The following CAMK2D variants were observed in gnomAD, a reference collection of about 807,000 sequenced individuals.
CAMK2D encodes the protein calcium/calmodulin dependent protein kinase II delta.
Under a neutral mutation model 84.0 loss-of-function variants are expected in CAMK2D, and 37 were observed. That is an observed-to-expected ratio of 0.44 (90% CI 0.34 to 0.58). The LOEUF (loss-of-function observed/expected upper bound fraction) is 0.58. Among genes scored for constraint, CAMK2D ranks in the 20% least tolerant of loss-of-function variants. CAMK2D has a pLI of 0.02. For synonymous variants in CAMK2D, 202 were observed against 212.5 expected (o/e 0.95, Z 0.43); for missense variants, 448 against 652.5 (o/e 0.69, Z 3.41).
intron 4 of CAMK2D, among the ~76,000 whole-genome samples, chr4:113,592,635 T>A (rs1277368923): frequency 1.3e-5 from 2 of 151,644 alleles, no homozygotes; most frequent in Admixed American, 6.6e-5. Context: ...AAGTTTCAGA[T>A]TTTTTTTTCT....
At chr4:113,713,888 T>G (rs2107170) in intron 2 of CAMK2D, among the ~76,000 whole-genome samples, 51,293 of 150,956 alleles carry the variant, frequency 0.34, 10,230 homozygotes, top group Admixed American at 0.49. Flanking sequence ...ACTTTTTTTT[T>G]GGGGGGGTGC....
intron 16 of CAMK2D, among the ~76,000 whole-genome samples, chr4:113,495,694 C>G (rs549998564): frequency 1.9e-4 from 29 of 152,216 alleles, no homozygotes; most frequent in Non-Finnish European, 3.7e-4. Context: ...CTCATTACTA[C>G]TACCTAGTAA....
At chr4:113,562,611 T>C (rs1330097123) in intron 4 of CAMK2D, among the ~76,000 whole-genome samples, 1 of 152,238 alleles carries the variant, frequency 6.6e-6, no homozygotes, top group African/African-American at 2.4e-5. Context: ...AGATTTATAC[T>C]TAACTGCAGC....
intron 20 of CAMK2D, 127 bp from the exon 21 acceptor site, chr4:113,454,642 A>G (rs2097283726): frequency 4.7e-6 from 3 of 634,342 alleles, no homozygotes; most frequent in African/African-American, 3.6e-5. Context: ...TGAAAACACT[A>G]TGTATAAGAG....
chr4:113,476,136 G>A (rs1423271032), intron 16 of CAMK2D, among the ~76,000 whole-genome samples: 1 of 152,046 alleles, frequency 6.6e-6, no homozygotes, highest in Non-Finnish European at 1.5e-5. Flanking sequence ...TTCATCTATG[G>A]CATTGTAGAT....
chr4:113,689,685 T>A (rs2099378486), intron 2 of CAMK2D, among the ~76,000 whole-genome samples: 1 of 152,184 alleles, frequency 6.6e-6, no homozygotes, highest in Admixed American at 6.5e-5. Context: ...TCATCTTCCC[T>A]TACTGTTCTT....
At chr4:113,741,160 T>C (rs1277077499) in intron 2 of CAMK2D, among the ~76,000 whole-genome samples, 1 of 152,118 alleles carries the variant, frequency 6.6e-6, no homozygotes, top group Non-Finnish European at 1.5e-5. Flanking sequence ...AGAGTAGTGA[T>C]ACTGGCAATT....
chr4:113,592,202 T>G (rs1218699234), intron 4 of CAMK2D, among the ~76,000 whole-genome samples: 1 of 152,002 alleles, frequency 6.6e-6, no homozygotes, highest in East Asian at 1.9e-4. Context: ...AAGCAGGGAT[T>G]AAGTGGGAGT....
chr4:113,713,398 C>CAT (rs138256882), intron 2 of CAMK2D, among the ~76,000 whole-genome samples: 9,873 of 149,244 alleles, frequency 0.066, 1,105 homozygotes, highest in African/African-American at 0.23. Flanking sequence ...TGTTACATGA[C>CAT]ATTAATATTA....
chr4:113,489,984 G>C (rs74697663), intron 16 of CAMK2D, among the ~76,000 whole-genome samples: 26,918 of 150,624 alleles, frequency 0.18, 2,722 homozygotes, highest in Non-Finnish European at 0.25. Flanking sequence ...CTTTTTGATG[G>C]GGTTGTTTGT....
intron 3 of CAMK2D, among the ~76,000 whole-genome samples, chr4:113,637,740 CT>C (rs1252749034): frequency 6.6e-6 from 1 of 152,016 alleles, no homozygotes; most frequent in Non-Finnish European, 1.5e-5. Flanking sequence ...ATAATCTGAA[CT>C]TTTTTCCTAG....
At chr4:113,743,953 G>A (rs2148958361) in intron 2 of CAMK2D, among the ~76,000 whole-genome samples, 1 of 151,866 alleles carries the variant, frequency 6.6e-6, no homozygotes, top group South Asian at 2.1e-4. Flanking sequence ...CCATTCTCCT[G>A]CCTTAGGCTC....
At chr4:113,639,656 C>A (rs529610997) in intron 3 of CAMK2D, among the ~76,000 whole-genome samples, 1 of 151,296 alleles carries the variant, frequency 6.6e-6, no homozygotes, top group Non-Finnish European at 1.5e-5. Context: ...TTCAGCCAGA[C>A]AAAGTGGGAG....
At chr4:113,512,796 C>T (rs986961313) in intron 12 of CAMK2D, among the ~76,000 whole-genome samples, 1 of 152,124 alleles carries the variant, frequency 6.6e-6, no homozygotes, top group African/African-American at 2.4e-5. Flanking sequence ...TGATCTTGAT[C>T]TCTTGACCTT....
At position 113,731,585 on chromosome 4, in the gene CAMK2D, C is replaced by CTT. The variant is rs577555908; in HGVS notation, c.160+27733_160+27734dup. 1.2e-3 allele frequency among the ~76,000 whole-genome samples: 156 copies of CTT among 127,728 alleles called. 2 individuals carry two copies. The highest frequency in any genetic ancestry group is 4.1e-3 in the Middle Eastern group (1 of 242). The allele number at this position is 127,728 out of a possible 152,430, so 83.8% of individuals were successfully genotyped here. ...AAGATAATCTAAGCCAGGGTTATTG[C>CTT]TTTTTTTTTTTTTTTTTTGAGACAG... On this transcript the variant is annotated intron_variant, in intron 2 of 20. Transcript: ENST00000511664.
chr4:113,595,832 CAG>C (rs1383032469), intron 4 of CAMK2D, among the ~76,000 whole-genome samples: 2 of 152,180 alleles, frequency 1.3e-5, no homozygotes, highest in African/African-American at 4.8e-5. Context: ...GTTCTCGCCT[CAG>C]TGTTGATGGT....
At chr4:113,578,818 C>T (rs1445854470) in intron 4 of CAMK2D, among the ~76,000 whole-genome samples, 2 of 152,166 alleles carry the variant, frequency 1.3e-5, no homozygotes, top group African/African-American at 4.8e-5. Context: ...ACATCTAATG[C>T]AGTGAAGAGC....
chr4:113,695,936 A>G (rs1310546578), intron 2 of CAMK2D, among the ~76,000 whole-genome samples: 1 of 151,892 alleles, frequency 6.6e-6, no homozygotes, highest in Non-Finnish European at 1.5e-5. Flanking sequence ...CTTATCTTCT[A>G]TTACTCTCCT....
intron 16 of CAMK2D, among the ~76,000 whole-genome samples, chr4:113,491,817 G>C (rs1240386833): frequency 1.3e-5 from 2 of 152,052 alleles, no homozygotes; most frequent in African/African-American, 4.8e-5. Flanking sequence ...CACAATTTCA[G>C]AGCCTGTTAT....
Sources: allele counts gnomAD v4.1 joint callset (sites outside exome capture counted in the v4.1 genomes callset), GRCh38; gene constraint gnomAD v4.1.1; transcripts MANE v1.5; gene names NCBI Gene and HGNC (gene_info 2026-07-23, HGNC 2026-07-21).